The following PNPLA7 variants were observed in gnomAD, a reference collection of about 807,000 sequenced individuals.
The protein encoded by PNPLA7 is patatin-like phospholipase domain-containing protein 7.
A neutral mutation model predicts 161.7 loss-of-function variants in PNPLA7; 153 were observed. That is an observed-to-expected ratio of 0.95 (90% CI 0.83 to 1.08). The LOEUF (loss-of-function observed/expected upper bound fraction) is 1.08. PNPLA7 is among the 50% of genes least tolerant of loss of function. The pLI, the probability that PNPLA7 is intolerant of heterozygous loss-of-function variation, is 0.00. For synonymous variants in PNPLA7, 809 were observed against 782.1 expected, an observed-to-expected ratio of 1.03 and a Z score of -0.57; for missense variants, 1,739 against 1,856.6, an observed-to-expected ratio of 0.94 and a Z score of 1.16.
chr9:137,464,029 G>A, intron 28 of PNPLA7, 97 bp downstream of exon 28: 1 of 1,331,598 alleles, frequency 7.5e-7, no homozygotes, highest in Non-Finnish European at 1.0e-6. Context: ...CATCCTTCAG[G>A]AGACCCCGCG....
chr9:137,500,754 A>G lies in PNPLA7; in HGVS notation c.1694T>C (p.Ile565Thr), dbSNP rs766246038. 2.5e-6 allele frequency: 4 copies of G among 1,612,264 alleles called. No homozygotes were observed. In the South Asian group the frequency reaches 4.4e-5, roughly 18 times the overall value. Residue 565 changes from isoleucine to threonine, a missense_variant, in exon 16 of 35, where the codon ATC becomes ACC. Ile to Thr is a moderately conservative substitution (Grantham distance 89, BLOSUM62 -1). Coordinates refer to ENST00000406427, the MANE Select transcript of PNPLA7 (RefSeq NM_001098537.3). The surrounding 1 kb of genome is among the most constrained non-coding windows in gnomAD (Gnocchi z 5.5). ...QLAVLTGEPL[I>T]FTVKANRDCS... ...GTCCCTGTTGGCCTTGACGGTGAAG[A>G]TGAGAGGCTCCCCGGTGAGCACGGC...
rs535094871 is a variant in PNPLA7, at chr9:137,500,193, A to G, written c.1757+498T>C. Reference sequence around the variant, plus strand: ...GGCGACACGGGCACATTCTGCCCCAAGAAGGGACACACGTCAGTGGGGCTC... The same window carrying G: ...GGCGACACGGGCACATTCTGCCCCAGGAAGGGACACACGTCAGTGGGGCTC... On this transcript the variant is annotated intron_variant, in intron 16 of 34. Transcript: ENST00000406427. This position sits in a 1 kb window ranked among gnomAD's most constrained non-coding sequence, Gnocchi z 5.5. Among the ~76,000 whole-genome samples, 3 of 152,372 alleles carry G rather than the reference A, an allele frequency of 2.0e-5. No homozygotes were observed. Among genetic ancestry groups the G allele is most frequent in the African/African-American group, 7.2e-5 (3 of 41,596 alleles).
rs1283343075 is a variant in PNPLA7, at chr9:137,461,628, T to A, written c.3757-8A>T. 4 of 1,606,846 alleles carry A rather than the reference T, an allele frequency of 2.5e-6. No homozygotes were observed. The highest frequency in any genetic ancestry group is 3.4e-6 in the Non-Finnish European group (4 of 1,176,290). On this transcript the variant is annotated splice_region_variant and splice_polypyrimidine_tract_variant and intron_variant, in intron 32 of 34. Coordinates refer to ENST00000406427, the MANE Select transcript of PNPLA7 (RefSeq NM_001098537.3). The stretch of plus-strand genomic sequence containing the variant: ...GTTGGGACAGGTGAGGACCTAGGGG[T>A]GGGGTGAGGACAGCACGTTGCCTGT...
At chr9:137,502,749 G>C (rs1410888919) in intron 14 of PNPLA7, among the ~76,000 whole-genome samples, 3 of 144,596 alleles carry the variant, frequency 2.1e-5, no homozygotes, top group Admixed American at 2.0e-4. Context: ...AGAGGGATGT[G>C]GGAGCCGGCC....
chr9:137,507,909 T>C (rs1019077501), intron 12 of PNPLA7, among the ~76,000 whole-genome samples: 1 of 151,988 alleles, frequency 6.6e-6, no homozygotes, highest in African/African-American at 2.4e-5. Context: ...CATAAATAAA[T>C]GGGCCAGGTG....
At position 137,486,418 on chromosome 9, in the gene PNPLA7, G is replaced by A. The variant is rs1340228576; in HGVS notation, c.2198-1682C>T. On this transcript the variant is annotated intron_variant, in intron 20 of 34. Transcript: ENST00000406427. This position sits in a 1 kb window ranked among gnomAD's most constrained non-coding sequence, Gnocchi z 6.0. ...TGCTCACAGGAAAATAGCTGATGACGTGCTGCTGAGCAGGAAAGCTGCAGA... is the reference window on the plus strand; with the variant it reads ...TGCTCACAGGAAAATAGCTGATGACATGCTGCTGAGCAGGAAAGCTGCAGA... Among the ~76,000 whole-genome samples, 1 of 152,188 alleles carries A rather than the reference G, an allele frequency of 6.6e-6. No individual in the cohort carries two copies. Among genetic ancestry groups the A allele is most frequent in the Admixed American group, 6.5e-5 (1 of 15,280 alleles).
At position 137,515,421 on chromosome 9, in the gene PNPLA7, C is replaced by T. The variant is rs1834478600; in HGVS notation, c.1183G>A (p.Glu395Lys). 2 of 1,603,900 alleles carry T rather than the reference C, an allele frequency of 1.2e-6. No homozygotes were observed. Among genetic ancestry groups the T allele is most frequent in the East Asian group, 2.2e-5 (1 of 44,586 alleles). ...TCAGGGTCACCTGCCCCGGGCTTCT[C>T]CAGCTCCTCCAAGATCTGTTTGCGA... ...SIRKQILEEL[E>K]KPGAGDPDPS... The change falls in exon 12 of 35, where the codon GAG becomes AAG. Residue 395 changes from glutamate to lysine, a missense_variant. Physicochemically the swap from Glu to Lys is moderately conservative, Grantham distance 56. Coordinates refer to ENST00000406427, the MANE Select transcript of PNPLA7 (RefSeq NM_001098537.3).
intron 11 of PNPLA7, chr9:137,516,298 G>A: frequency 5.1e-6 from 5 of 982,718 alleles, no homozygotes; most frequent in Non-Finnish European, 6.0e-6. Context: ...GGCTGCATCT[G>A]CCCCTCAGGT....
At position 137,460,346 on chromosome 9, in the gene PNPLA7, G is replaced by GACAGTCCCACGGA; in HGVS notation, c.*34_*46dup. 6.4e-7 allele frequency: 1 copy of GACAGTCCCACGGA among 1,562,556 alleles called. No homozygotes were observed. The highest frequency in any genetic ancestry group is 8.8e-7 in the Non-Finnish European group (1 of 1,142,668). On this transcript the variant is annotated 3_prime_UTR_variant, in exon 35 of 35. Coordinates refer to ENST00000406427, the MANE Select transcript of PNPLA7 (RefSeq NM_001098537.3). ...ACTTGGCAGGAGCCTCAGCCTTGGG[G>GACAGTCCCACGGA]ACAGTCCCACGGAAGACGCTGCATC...
In PNPLA7 at chr9:137,468,171, A is replaced by G. The variant is rs1226446801; in HGVS notation, c.2883-698T>C. ...CTGGATGTAGACCAGCACCCATGAG[A>G]CCAGGGAGCACCCCCGAGACCAGGG... is the stretch of plus-strand genomic sequence containing the variant. On this transcript the variant is annotated intron_variant, in intron 25 of 34. Coordinates refer to ENST00000406427, the MANE Select transcript of PNPLA7 (RefSeq NM_001098537.3). This position sits in a 1 kb window ranked among gnomAD's most constrained non-coding sequence, Gnocchi z 4.0. Among the ~76,000 whole-genome samples the G allele has an allele frequency of 6.6e-6, 1 of 151,642 alleles. No individual in the cohort carries two copies. Among genetic ancestry groups the G allele is most frequent in the Non-Finnish European group, 1.5e-5 (1 of 67,858 alleles).
At chr9:137,503,276 G>C (rs943197251) in intron 14 of PNPLA7, among the ~76,000 whole-genome samples, 2 of 152,046 alleles carry the variant, frequency 1.3e-5, no homozygotes, top group Non-Finnish European at 2.9e-5. Context: ...AACTACTCAG[G>C]AGGCTGAGGT....
rs767557221 is a variant in PNPLA7 at position 137,500,783 on chromosome 9, C to T, written c.1665G>A (p.Gln555=). ...GAGGCTCCCCGGTGAGCACGGCCAG[C>T]TGGCCCACCATCTCCCCGGGGCGCG... is the stretch of plus-strand genomic sequence containing the variant. ...FLTRPGEMVG[Q]LAVLTGEPLI... is the part of the protein sequence containing the mutation. Residue 555 remains glutamine (Q), a synonymous_variant, in exon 16 of 35, where the codon CAG becomes CAA. Transcript: ENST00000406427. The surrounding 1 kb of genome is among the most constrained non-coding windows in gnomAD (Gnocchi z 5.5). The T allele has an allele frequency of 1.6e-5, 25 of 1,611,762 alleles. No individual in the cohort carries two copies. In the South Asian group the frequency reaches 2.5e-4, roughly 16 times the overall value.
At chr9:137,489,311 A>G (rs1414536575) in intron 20 of PNPLA7, among the ~76,000 whole-genome samples, 1 of 152,210 alleles carries the variant, frequency 6.6e-6, no homozygotes, top group Non-Finnish European at 1.5e-5. Context: ...CGTTCAAACC[A>G]CACTCCACAA....
In PNPLA7 at chr9:137,497,319, G is replaced by A; in HGVS notation, c.1890-9C>T. 6.4e-7 allele frequency: 1 copy of A among 1,552,892 alleles called. No homozygotes were observed. Among genetic ancestry groups the A allele is most frequent in the Middle Eastern group, 1.7e-4 (1 of 5,916 alleles). ...CGGACTTGTCCCCCTGCCTGCGGAA[G>A]ACACAGAGGCCCTGCAGCCCTGGGC... On this transcript the variant is annotated splice_polypyrimidine_tract_variant and intron_variant, in intron 17 of 34. Coordinates refer to ENST00000406427, the MANE Select transcript of PNPLA7 (RefSeq NM_001098537.3).
At chr9:137,495,786 G>A (rs959282044) in intron 18 of PNPLA7, among the ~76,000 whole-genome samples, 1 of 152,180 alleles carries the variant, frequency 6.6e-6, no homozygotes, top group African/African-American at 2.4e-5. Context: ...GCCTGCGGGA[G>A]CCCTGCCCTC....
intron 25 of PNPLA7, 113 bp downstream of exon 25, chr9:137,477,921 C>G (rs1832016118): frequency 2.2e-6 from 2 of 899,356 alleles, no homozygotes; most frequent in Admixed American, 8.6e-5. Context: ...GCCTGAGGGT[C>G]TCGTCTGCGG....
rs1159517315 is a variant in PNPLA7, at chr9:137,543,481, T to C, written c.457A>G (p.Lys153Glu). The C allele has an allele frequency of 6.2e-7, 1 of 1,613,972 alleles. No homozygotes were observed. Among genetic ancestry groups the C allele is most frequent in the Non-Finnish European group, 8.5e-7 (1 of 1,180,024 alleles). The change falls in exon 6 of 35, where the codon AAG becomes GAG. Residue 153 changes from lysine (K) to glutamate (E), a missense_variant. Physicochemically the swap from Lys to Glu is moderately conservative, Grantham distance 56. This residue lies in a region of PNPLA7 where 209 missense variants were observed against 252.8 expected (regional missense o/e 0.83). Transcript: ENST00000406427. The surrounding 1 kb of genome is among the most constrained non-coding windows in gnomAD (Gnocchi z 6.9). ...ACTTCCGATGGCAGGTGAGAATTCT[T>C]CACGTCAAACTCCGTGAGGTCGGCC... ...LEADLTEFDV[K>E]NSHLPSEVLY... is the part of the protein sequence containing the mutation.
At chr9:137,471,207 T>C (rs1831687633) in intron 25 of PNPLA7, among the ~76,000 whole-genome samples, 1 of 152,242 alleles carries the variant, frequency 6.6e-6, no homozygotes, top group South Asian at 2.1e-4. Flanking sequence ...GCTACAAGAA[T>C]AAATGAATTT....
At chr9:137,471,047 A>G (rs1185995070) in intron 25 of PNPLA7, among the ~76,000 whole-genome samples, 2 of 152,248 alleles carry the variant, frequency 1.3e-5, no homozygotes, top group Non-Finnish European at 2.9e-5. Context: ...GTCTATCCAC[A>G]GTGCAGCGGT....
Sources: gnomAD v4.1 joint callset for allele counts (sites outside exome capture counted in the v4.1 genomes callset) on GRCh38, gnomAD v4.1.1 for gene constraint, gnomAD v4.1.1 regional missense constraint, Gnocchi (gnomAD v3.1) non-coding constraint, MANE v1.5 for transcripts, NCBI Gene and HGNC (gene_info 2026-07-23, HGNC 2026-07-21) for gene names.